TRIOBP: variants seen among roughly 807,000 people sequenced by gnomAD.
The protein encoded by TRIOBP is TRIO and F-actin-binding protein.
A neutral mutation model predicts 238.8 loss-of-function variants in TRIOBP; 169 were observed. That is an observed-to-expected ratio of 0.71 (90% confidence interval 0.62 to 0.80). The LOEUF (loss-of-function observed/expected upper bound fraction) is 0.80. Ranked by LOEUF, TRIOBP falls within the 30% of genes least tolerant of loss-of-function variation. The pLI is 0.00. For synonymous variants in TRIOBP, 1,150 were observed against 1,274.4 expected (o/e 0.90, Z 2.08); for missense variants, 2,838 against 3,122.6 (o/e 0.91, Z 2.17).
At chr22:37,714,639 G>A (rs1423740444) in intron 5 of TRIOBP, among the ~76,000 whole-genome samples, 1 of 151,970 alleles carries the variant, frequency 6.6e-6, no homozygotes, top group Non-Finnish European at 1.5e-5. Context: ...CTCCAGCCTG[G>A]GCAACAAGAG....
chr22:37,767,660 G>A (rs1230303131), intron 18 of TRIOBP, among the ~76,000 whole-genome samples: 1 of 152,146 alleles, frequency 6.6e-6, no homozygotes, highest in Non-Finnish European at 1.5e-5. Flanking sequence ...TCTTGACCAC[G>A]AGGCTGGTCA....
Position 37,701,351 on chromosome 22 carries a change from C to A in TRIOBP, c.-15C>A. The A allele has an allele frequency of 1.9e-6, 3 of 1,600,646 alleles. No individual in the cohort carries two copies. Among genetic ancestry groups the A allele is most frequent in the Non-Finnish European group, 2.6e-6 (3 of 1,170,448 alleles). Reference sequence around the variant, plus strand: ...CATTGGATCATAGGAACTGCCCTGGCCTGACTCACCCAATATGGAGGAGGT... The same window carrying A: ...CATTGGATCATAGGAACTGCCCTGGACTGACTCACCCAATATGGAGGAGGT... On this transcript the variant is annotated 5_prime_UTR_variant, in exon 3 of 24. Coordinates refer to ENST00000644935, the MANE Select transcript of TRIOBP (RefSeq NM_001039141.3).
rs1344620458 is a variant in TRIOBP, at chr22:37,769,345, C to T, written c.6819C>T (p.Arg2273=). Residue 2273 remains arginine (R), a synonymous_variant, in exon 21 of 24, where the codon CGC becomes CGT. Coordinates refer to ENST00000644935, the MANE Select transcript of TRIOBP (RefSeq NM_001039141.3). ...AGGGCATGGGCAATGGCTGCGGGCGCAGCAACGAGCGGAGTTCCTGCGAGC... is the reference window on the plus strand; with the variant it reads ...AGGGCATGGGCAATGGCTGCGGGCGTAGCAACGAGCGGAGTTCCTGCGAGC... ...ASQGMGNGCG[R]SNERSSCELE... 6.2e-7 allele frequency: 1 copy of T among 1,609,814 alleles called. No homozygotes were observed. The highest frequency in any genetic ancestry group is 8.5e-7 in the Non-Finnish European group (1 of 1,178,902).
rs1927040972 is a variant in TRIOBP at position 37,776,536 on chromosome 22, A to G, written c.*2756A>G. The G allele has an allele frequency of 6.6e-6, 1 of 152,260 alleles. No individual in the cohort carries two copies. The highest frequency in any genetic ancestry group is 6.5e-5 in the Admixed American group (1 of 15,286). The allele number at this position is 152,260 out of a possible 1,614,324, so 9.4% of individuals were successfully genotyped here. A position where few individuals can be genotyped will look rare whatever the true frequency, so the allele number is the denominator to read the frequency against. ...CAGCTGTGTGTCAGTAGTAGAATGA[A>G]TAAATTGTGGTCGATTCATACGTTA... On this transcript the variant is annotated 3_prime_UTR_variant, in exon 24 of 24. Transcript: ENST00000644935.
intron 5 of TRIOBP, among the ~76,000 whole-genome samples, chr22:37,713,863 G>A (rs1395541614): frequency 6.6e-6 from 1 of 152,212 alleles, no homozygotes; most frequent in Non-Finnish European, 1.5e-5. Flanking sequence ...ATTTAACCAC[G>A]AAAAGAGAAG....
chr22:37,770,628 C>T (rs968951498), intron 21 of TRIOBP, among the ~76,000 whole-genome samples: 3 of 152,066 alleles, frequency 2.0e-5, no homozygotes, highest in South Asian at 4.2e-4. Flanking sequence ...CCGCCCACTT[C>T]GGCCTCTCAA....
chr22:37,771,673 C>T lies in TRIOBP; in HGVS notation c.6873C>T (p.Asn2291=), dbSNP rs768762605. The change falls in exon 22 of 24, where the codon AAC becomes AAT. Residue 2291 remains asparagine (N), a synonymous_variant. Transcript: ENST00000644935. ...AGGTGCTGCTTCGCGTAAAAGAAAA[C>T]GAACTCCAGTACCTAAAGAAGGAGG... ...ELEVLLRVKE[N]ELQYLKKEVQ... The T allele has an allele frequency of 1.5e-5, 24 of 1,614,012 alleles. No homozygotes were observed. The highest frequency in any genetic ancestry group is 6.7e-5 in the African/African-American group (5 of 74,914).
At position 37,758,032 on chromosome 22, in the gene TRIOBP, T is replaced by C; in HGVS notation, c.6107T>C (p.Leu2036Pro). ...AAGAAGTGGCAGGAGCTGGAGAAGC[T>C]GCCCCTGCGGGAGAATAAGCGGGTG... Reference protein sequence around the residue: ...IEKKWQELEKLPLRENKRVPL... With the variant: ...IEKKWQELEKPPLRENKRVPL... The change falls in exon 16 of 24, where the codon CTG becomes CCG. Residue 2036 changes from leucine (L) to proline (P), a missense_variant. This residue lies in a region of TRIOBP where 2,096 missense variants were observed against 2,137.4 expected (regional missense o/e 0.98). Transcript: ENST00000644935. The C allele has an allele frequency of 6.2e-7, 1 of 1,611,542 alleles. No individual in the cohort carries two copies. Among genetic ancestry groups the C allele is most frequent in the Non-Finnish European group, 8.5e-7 (1 of 1,179,476 alleles).
chr22:37,775,518 G>T lies in TRIOBP; in HGVS notation c.*1738G>T, dbSNP rs112317694. On this transcript the variant is annotated 3_prime_UTR_variant, in exon 24 of 24. Coordinates refer to ENST00000644935, the MANE Select transcript of TRIOBP (RefSeq NM_001039141.3). Reference sequence around the variant, plus strand: ...GAGGCACAAGAGGCCGGGCGCGGTGGCTCTTGCCTATTATCCTAGCACTTT... The same window carrying T: ...GAGGCACAAGAGGCCGGGCGCGGTGTCTCTTGCCTATTATCCTAGCACTTT... 2.6e-5 allele frequency: 4 copies of T among 152,172 alleles called. No individual in the cohort carries two copies. The highest frequency in any genetic ancestry group is 9.7e-5 in the African/African-American group (4 of 41,418). The allele number at this position is 152,172 out of a possible 1,614,324, so 9.4% of individuals were successfully genotyped here. A position where few individuals can be genotyped will look rare whatever the true frequency, so the allele number is the denominator to read the frequency against.
At chr22:37,759,527 A>G in intron 17 of TRIOBP, 1 of 1,605,622 alleles carries the variant, frequency 6.2e-7, no homozygotes, top group Non-Finnish European at 8.5e-7. Context: ...GTGGGATTTG[A>G]GCGAGGGTCC....
In TRIOBP at chr22:37,725,812, C is replaced by A. The variant is rs768114738; in HGVS notation, c.3256C>A (p.Pro1086Thr). The A allele has an allele frequency of 1.3e-4, 210 of 1,611,228 alleles. No individual in the cohort carries two copies. The East Asian group carries it at 4.6e-3, about 35-fold the overall frequency. The change falls in exon 7 of 24, where the codon CCC (proline) becomes ACC (threonine). Residue 1086 changes from proline (P) to threonine (T), a missense_variant. Pro to Thr is a conservative substitution (Grantham distance 38). Coordinates refer to ENST00000644935, the MANE Select transcript of TRIOBP (RefSeq NM_001039141.3). ...CCGCCACACCCAATTTGACCCCTTC[C>A]CCTTCCTCCCAGACACATCAGATGC... ...PPRHTQFDPFPFLPDTSDAEH... is the reference protein window; with the variant it reads ...PPRHTQFDPFTFLPDTSDAEH...
At chr22:37,699,752 G>T (rs1569029568) in intron 2 of TRIOBP, among the ~76,000 whole-genome samples, 1 of 152,136 alleles carries the variant, frequency 6.6e-6, no homozygotes, top group Non-Finnish European at 1.5e-5. Flanking sequence ...TATTGGCCAG[G>T]CTGGTCTCGA....
chr22:37,739,321 T>C (rs1387271194), intron 10 of TRIOBP, among the ~76,000 whole-genome samples: 2 of 151,992 alleles, frequency 1.3e-5, no homozygotes, highest in African/African-American at 2.4e-5. Flanking sequence ...CGTGGGGCAG[T>C]GGGAGGTGGG....
At chr22:37,772,854 T>C in intron 23 of TRIOBP, 90 bp downstream of exon 23, 2 of 1,491,196 alleles carry the variant, frequency 1.3e-6, no homozygotes, top group Non-Finnish European at 1.8e-6. Context: ...GCCAGGCCAC[T>C]TCCTTCTTCT....
chr22:37,742,859 T>C (rs1326101186), intron 11 of TRIOBP, among the ~76,000 whole-genome samples: 1 of 152,146 alleles, frequency 6.6e-6, no homozygotes, highest in African/African-American at 2.4e-5. Flanking sequence ...TTGCATTTGA[T>C]CCACACTCCC....
At chr22:37,711,099 G>A (rs1419000579) in intron 4 of TRIOBP, among the ~76,000 whole-genome samples, 1 of 152,226 alleles carries the variant, frequency 6.6e-6, no homozygotes, top group Non-Finnish European at 1.5e-5. Context: ...GGGAGGCCAT[G>A]GTCTGAGAGT....
chr22:37,754,567 G>T (rs1047381848), intron 12 of TRIOBP, among the ~76,000 whole-genome samples: 1 of 152,144 alleles, frequency 6.6e-6, no homozygotes, highest in Non-Finnish European at 1.5e-5. Flanking sequence ...TCCTGGCCCC[G>T]CTGAGTCCCT....
At chr22:37,706,853 A>G (rs1922967321) in intron 3 of TRIOBP, among the ~76,000 whole-genome samples, 1 of 151,988 alleles carries the variant, frequency 6.6e-6, no homozygotes, top group South Asian at 2.1e-4. Context: ...ATGATGATCA[A>G]GGCTGTGAAA....
intron 11 of TRIOBP, among the ~76,000 whole-genome samples, chr22:37,744,436 G>C (rs1227635620): frequency 1.3e-5 from 2 of 152,218 alleles, no homozygotes; most frequent in Non-Finnish European, 2.9e-5. Flanking sequence ...GGTTGTGATG[G>C]TTCCTGACTG....
Sources: allele counts gnomAD v4.1 joint callset (sites outside exome capture counted in the v4.1 genomes callset), GRCh38; gene constraint gnomAD v4.1.1; regional missense constraint gnomAD v4.1.1; transcripts MANE v1.5; gene names NCBI Gene and HGNC (gene_info 2026-07-23, HGNC 2026-07-21).